Variants in PHC2 observed in about 807,000 individuals in gnomAD.
The protein encoded by PHC2 is polyhomeotic-like protein 2.
A neutral mutation model predicts 87.4 loss-of-function variants in PHC2; 29 were observed. That is an observed-to-expected ratio of 0.33 (90% CI 0.25 to 0.45). The LOEUF (loss-of-function observed/expected upper bound fraction) is 0.45, where lower values mean the gene tolerates loss of function less well. PHC2 is among the 20% of genes least tolerant of loss of function. The pLI, the probability that PHC2 is intolerant of heterozygous loss-of-function variation, is 1.00. For missense variants in PHC2, 857 were observed against 1,136.7 expected (o/e 0.75, Z 3.54); for synonymous variants, 438 against 461.7 (o/e 0.95, Z 0.66).
Position 33,372,297 on chromosome 1 carries a change from C to G in PHC2, c.325G>C (p.Val109Leu). 1 of 1,563,972 alleles carries G rather than the reference C, an allele frequency of 6.4e-7. No homozygotes were observed. The highest frequency in any genetic ancestry group is 1.8e-4 in the Middle Eastern group (1 of 5,466). ...SSAQLQSLAA[V>L]QQASLVSNRQ... is the part of the protein sequence containing the mutation. ...TCCTTCCCAAGTCTCACCTGCTGTA[C>G]GGCTGCCAGGCTCTGGAGCTGGGCG... is the stretch of plus-strand genomic sequence containing the variant. The change falls in exon 3 of 15, where the codon GTA (valine) becomes CTA (leucine). Residue 109 changes from valine to leucine, a missense_variant. This residue lies in a region of PHC2 where 832 missense variants were observed against 1,081.8 expected (regional missense o/e 0.77). Coordinates refer to ENST00000683057, the MANE Select transcript of PHC2 (RefSeq NM_001385109.1).
chr1:33,359,884 T>C (rs1454856009), intron 7 of PHC2, among the ~76,000 whole-genome samples: 1 of 152,050 alleles, frequency 6.6e-6, no homozygotes, highest in Non-Finnish European at 1.5e-5. Context: ...CCAAGGTGTC[T>C]AAGAGAGAGG....
chr1:33,336,282 C>T (rs1646635079), intron 9 of PHC2, among the ~76,000 whole-genome samples: 1 of 152,076 alleles, frequency 6.6e-6, no homozygotes, highest in African/African-American at 2.4e-5. Context: ...AGCCACCGCG[C>T]CCAGCCTCAA....
chr1:33,354,240 C>T (rs985123051), intron 9 of PHC2, among the ~76,000 whole-genome samples, 161 bp downstream of exon 9: 1 of 152,162 alleles, frequency 6.6e-6, no homozygotes, highest in Non-Finnish European at 1.5e-5. Context: ...TTACTTTATC[C>T]CTGGTTCATC....
chr1:33,355,722 C>G (rs984390764), intron 7 of PHC2, among the ~76,000 whole-genome samples: 3 of 152,256 alleles, frequency 2.0e-5, no homozygotes, highest in African/African-American at 7.2e-5. Flanking sequence ...TCAGGCGAGG[C>G]CTTCTCCAGG....
At chr1:33,419,053 T>C (rs1650322761) in intron 1 of PHC2, among the ~76,000 whole-genome samples, 1 of 152,244 alleles carries the variant, frequency 6.6e-6, no homozygotes, top group Admixed American at 6.5e-5. Context: ...ACCTAACTTC[T>C]CTGTGCACTT....
intron 1 of PHC2, among the ~76,000 whole-genome samples, chr1:33,380,214 A>G (rs942416829): frequency 2.6e-5 from 4 of 152,216 alleles, no homozygotes; most frequent in Non-Finnish European, 4.4e-5. Context: ...TAAGTGTGCA[A>G]TTCAGTACCA....
chr1:33,428,171 TGGTA>T (rs1376430954), intron 1 of PHC2, among the ~76,000 whole-genome samples: 1 of 152,222 alleles, frequency 6.6e-6, no homozygotes. Flanking sequence ...AGCAAGTACC[TGGTA>T]GAACTGGGAT....
intron 1 of PHC2, among the ~76,000 whole-genome samples, chr1:33,395,235 T>C (rs1285824344): frequency 6.6e-6 from 1 of 152,122 alleles, no homozygotes; most frequent in Non-Finnish European, 1.5e-5. Flanking sequence ...ATGGAGTTCT[T>C]AGAATAAAGT....
chr1:33,386,416 G>C (rs939280071), intron 1 of PHC2, among the ~76,000 whole-genome samples: 2 of 151,788 alleles, frequency 1.3e-5, no homozygotes, highest in African/African-American at 4.8e-5. Context: ...CTACTCATGA[G>C]GCTGAGGCAG....
chr1:33,324,773 C>G lies in PHC2; in HGVS notation c.*92G>C, dbSNP rs1014937711. On this transcript the variant is annotated 3_prime_UTR_variant, in exon 15 of 15. Transcript: ENST00000683057. ...CTAGGGAGAGCCCCTGCCCTCCAAC[C>G]GGCCCCATTTCTGGGCCCCTCAGGA... The G allele has an allele frequency of 1.3e-5, 18 of 1,402,308 alleles. No individual in the cohort carries two copies. Among genetic ancestry groups the G allele is most frequent in the Non-Finnish European group, 1.7e-5 (18 of 1,042,340 alleles). The allele number at this position is 1,402,308 out of a possible 1,614,324, so 86.9% of individuals were successfully genotyped here. A position where few individuals can be genotyped will look rare whatever the true frequency, so the allele number is the denominator to read the frequency against.
chr1:33,405,791 AT>A (rs1303928396), intron 1 of PHC2, among the ~76,000 whole-genome samples: 4 of 149,704 alleles, frequency 2.7e-5, no homozygotes, highest in African/African-American at 9.7e-5. Flanking sequence ...ATTTCCAAAT[AT>A]TGGTATTTCT....
At chr1:33,416,591 A>G (rs1650219746) in intron 1 of PHC2, among the ~76,000 whole-genome samples, 1 of 150,746 alleles carries the variant, frequency 6.6e-6, no homozygotes, top group Admixed American at 6.6e-5. Flanking sequence ...AAAGAAAAAA[A>G]AAAAAAAAAA....
At chr1:33,335,610 G>A (rs1646610974) in intron 9 of PHC2, among the ~76,000 whole-genome samples, 1 of 152,200 alleles carries the variant, frequency 6.6e-6, no homozygotes, top group East Asian at 1.9e-4. Context: ...TTTGAGAAAA[G>A]GTGGTTTAGG....
rs1214106381 is a variant in PHC2 at position 33,382,944 on chromosome 1, T to C, written c.-54-7351A>G. Reference sequence around the variant, plus strand: ...CCCTGGGGTAAGGCAGGGTGAGGTTTTTCCTAATGGAATCAGAGCTGGGCA... The same window carrying C: ...CCCTGGGGTAAGGCAGGGTGAGGTTCTTCCTAATGGAATCAGAGCTGGGCA... On this transcript the variant is annotated intron_variant, in intron 1 of 14. Transcript: ENST00000683057. This position sits in a 1 kb window ranked among gnomAD's most constrained non-coding sequence, Gnocchi z 4.3. 6.6e-6 allele frequency among the ~76,000 whole-genome samples: 1 copy of C among 152,202 alleles called. No homozygotes were observed. The highest frequency in any genetic ancestry group is 2.4e-5 in the African/African-American group (1 of 41,448).
At chr1:33,404,003 G>C (rs527602078) in intron 1 of PHC2, among the ~76,000 whole-genome samples, 2 of 152,098 alleles carry the variant, frequency 1.3e-5, no homozygotes, top group Admixed American at 6.5e-5. Context: ...TCACATCTAT[G>C]CCTATGGCTT....
chr1:33,405,215 G>T (rs1649707444), intron 1 of PHC2, among the ~76,000 whole-genome samples: 2 of 149,326 alleles, frequency 1.3e-5, no homozygotes, highest in African/African-American at 4.9e-5. Flanking sequence ...TGGAGACAGA[G>T]TCTCGCTCTG....
chr1:33,423,113 T>A (rs1405355434), intron 1 of PHC2, among the ~76,000 whole-genome samples: 1 of 152,108 alleles, frequency 6.6e-6, no homozygotes, highest in African/African-American at 2.4e-5. Flanking sequence ...ACCCCAGCAT[T>A]ATGGCTCTAG....
In PHC2 at chr1:33,370,187, G is replaced by A. The variant is rs955396258; in HGVS notation, c.576+234C>T. Among the ~76,000 whole-genome samples the A allele has an allele frequency of 7.9e-5, 12 of 152,294 alleles. No homozygotes were observed. The East Asian group carries it at 2.3e-3, about 29-fold the overall frequency. On this transcript the variant is annotated intron_variant, in intron 5 of 14. Coordinates refer to ENST00000683057, the MANE Select transcript of PHC2 (RefSeq NM_001385109.1). Reference sequence around the variant, plus strand: ...TTTCACTCTAGGAGGAGAAGGAAAGGTGGCATCGCAGGAACTTTCTCTGTT... The same window carrying A: ...TTTCACTCTAGGAGGAGAAGGAAAGATGGCATCGCAGGAACTTTCTCTGTT...
chr1:33,416,723 A>G (rs1650226931), intron 1 of PHC2, among the ~76,000 whole-genome samples: 2 of 152,144 alleles, frequency 1.3e-5, no homozygotes, highest in South Asian at 2.1e-4. Flanking sequence ...ATATCTCTCA[A>G]AGGTAAAATA....
Sources: allele counts gnomAD v4.1 joint callset (sites outside exome capture counted in the v4.1 genomes callset), GRCh38; gene constraint gnomAD v4.1.1; regional missense constraint gnomAD v4.1.1; non-coding constraint Gnocchi (gnomAD v3.1); transcripts MANE v1.5; gene names NCBI Gene and HGNC (gene_info 2026-07-23, HGNC 2026-07-21).